Variants in ARHGEF3 observed in about 807,000 individuals in gnomAD.
ARHGEF3 encodes the protein 59.8 kDA protein.
A neutral mutation model predicts 63.2 loss-of-function variants in ARHGEF3; 28 were observed. The observed-to-expected ratio is 0.44, with a 90% confidence interval of 0.33 to 0.61. The LOEUF (loss-of-function observed/expected upper bound fraction) is 0.61, where lower values mean the gene tolerates loss of function less well. Among genes scored for constraint, ARHGEF3 ranks in the 20% least tolerant of loss-of-function variants. The pLI is 0.03. For missense variants in ARHGEF3, 533 were observed against 659.3 expected, an observed-to-expected ratio of 0.81 and a Z score of 2.10; for synonymous variants, 266 against 254.2, an observed-to-expected ratio of 1.05 and a Z score of -0.44.
chr3:56,973,118 A>G (rs778913046), intron 2 of ARHGEF3, among the ~76,000 whole-genome samples: 3 of 151,156 alleles, frequency 2.0e-5, no homozygotes, highest in Non-Finnish European at 4.4e-5. Context: ...CCGGGTTCAC[A>G]CCATTCTCCT....
chr3:57,075,739 G>A (rs1706188378), intron 1 of ARHGEF3, among the ~76,000 whole-genome samples: 2 of 152,224 alleles, frequency 1.3e-5, no homozygotes, highest in Admixed American at 1.3e-4. Flanking sequence ...GAGCCTGAGA[G>A]GCAGATGTTG....
intron 4 of ARHGEF3, among the ~76,000 whole-genome samples, chr3:56,814,670 T>C (rs964594417): frequency 6.7e-6 from 1 of 149,150 alleles, no homozygotes; most frequent in African/African-American, 2.4e-5. Context: ...TCTCCCTTTT[T>C]TTTTAAATGA....
chr3:56,732,391 C>A lies in ARHGEF3; in HGVS notation c.1075G>T (p.Val359Leu). ...LHVFLFQEVL[V>L]ITRAVTHNEQ... ...TTGTGGGTGACGGCTCGAGTGATCACAAGCACTTCTTGGAACAGGAAAACA... is the reference window on the plus strand; with the variant it reads ...TTGTGGGTGACGGCTCGAGTGATCAAAAGCACTTCTTGGAACAGGAAAACA... The change falls in exon 9 of 10, where the codon GTG becomes TTG. Residue 359 changes from valine (V) to leucine (L), a missense_variant. By Grantham distance (32) the Val-to-Leu change is conservative. This residue lies in a region of ARHGEF3 where 151 missense variants were observed against 190.7 expected (regional missense o/e 0.79). Coordinates refer to ENST00000296315, the MANE Select transcript of ARHGEF3 (RefSeq NM_019555.3). 6.2e-7 allele frequency: 1 copy of A among 1,614,156 alleles called. No homozygotes were observed. The highest frequency in any genetic ancestry group is 8.5e-7 in the Non-Finnish European group (1 of 1,180,036).
chr3:56,995,721 A>T (rs1325737581), intron 2 of ARHGEF3, among the ~76,000 whole-genome samples: 12 of 151,974 alleles, frequency 7.9e-5, no homozygotes, highest in Non-Finnish European at 1.3e-4. Context: ...AGAGAAACCT[A>T]AAAAATGTAA....
At chr3:56,800,710 C>T (rs972829187) in intron 1 of ARHGEF3, among the ~76,000 whole-genome samples, 4 of 152,176 alleles carry the variant, frequency 2.6e-5, no homozygotes, top group African/African-American at 9.7e-5. Context: ...TCAGCCTTTC[C>T]CCAGTGGTGG....
chr3:56,938,604 A>G (rs1051208850), intron 3 of ARHGEF3: 4 of 152,364 alleles, frequency 2.6e-5, no homozygotes, highest in Non-Finnish European at 5.9e-5. Context: ...CTAAGAACAC[A>G]TGAGCACGTA....
intron 2 of ARHGEF3, among the ~76,000 whole-genome samples, chr3:56,759,996 T>C (rs1413400802): frequency 2.0e-5 from 3 of 152,212 alleles, no homozygotes; most frequent in East Asian, 1.9e-4. Context: ...ATCCCTCCCA[T>C]AGTCTGGACA....
chr3:56,841,169 G>A (rs537595503), intron 4 of ARHGEF3, among the ~76,000 whole-genome samples: 2 of 152,218 alleles, frequency 1.3e-5, no homozygotes, highest in South Asian at 2.1e-4. Context: ...CCCTAGATTT[G>A]CCCACTGTGA....
chr3:56,775,084 T>A (rs1417216513), intron 1 of ARHGEF3: 1 of 1,551,192 alleles, frequency 6.4e-7, no homozygotes, highest in Non-Finnish European at 8.7e-7. Flanking sequence ...AAAGCCAAAG[T>A]AGCCAATTGT....
intron 2 of ARHGEF3, among the ~76,000 whole-genome samples, chr3:56,768,067 A>G (rs1470835478): frequency 1.3e-5 from 2 of 151,240 alleles, no homozygotes; most frequent in Non-Finnish European, 2.9e-5. Flanking sequence ...ATATATATAT[A>G]TATTTTTGAG....
At chr3:56,828,654 G>A (rs1326646740) in intron 4 of ARHGEF3, among the ~76,000 whole-genome samples, 1 of 152,162 alleles carries the variant, frequency 6.6e-6, no homozygotes, top group African/African-American at 2.4e-5. Context: ...AGTAAGAAAA[G>A]ATACCCAGAG....
intron 2 of ARHGEF3, among the ~76,000 whole-genome samples, chr3:56,999,906 C>T (rs1195114460): frequency 6.6e-6 from 1 of 152,194 alleles, no homozygotes; most frequent in Non-Finnish European, 1.5e-5. Context: ...AGTGAGAGAT[C>T]ACTATGTAGG....
chr3:56,967,741 T>C (rs1453841487), intron 2 of ARHGEF3, among the ~76,000 whole-genome samples: 3 of 85,072 alleles, frequency 3.5e-5, no homozygotes, highest in Non-Finnish European at 6.0e-5. Flanking sequence ...ACTATAATTA[T>C]ATATATTATA....
At chr3:56,921,227 A>C (rs34587696) in intron 3 of ARHGEF3, among the ~76,000 whole-genome samples, 47,039 of 148,734 alleles carry the variant, frequency 0.32, 7,844 homozygotes, top group East Asian at 0.48. Flanking sequence ...AAAGACCAAA[A>C]AAAAAAAGGT....
intron 4 of ARHGEF3, among the ~76,000 whole-genome samples, chr3:56,853,495 C>T (rs1363136357): frequency 1.3e-5 from 2 of 152,104 alleles, no homozygotes; most frequent in Non-Finnish European, 1.5e-5. Context: ...TGCCACCACG[C>T]CTGGCTAATT....
chr3:56,740,440 CT>C (rs1296695217), intron 7 of ARHGEF3, among the ~76,000 whole-genome samples: 1 of 152,084 alleles, frequency 6.6e-6, no homozygotes, highest in African/African-American at 2.4e-5. Flanking sequence ...TTCTTAGTTT[CT>C]TTTTTCCTTT....
At chr3:56,920,462 C>T (rs1283808425) in intron 3 of ARHGEF3, among the ~76,000 whole-genome samples, 2 of 152,092 alleles carry the variant, frequency 1.3e-5, no homozygotes, top group Admixed American at 6.5e-5. Context: ...ATTTCCTTAC[C>T]AAAGATATTA....
chr3:56,972,141 C>T (rs984576898), intron 2 of ARHGEF3, among the ~76,000 whole-genome samples: 1 of 152,042 alleles, frequency 6.6e-6, no homozygotes, highest in Non-Finnish European at 1.5e-5. Flanking sequence ...TTCAGGCCAC[C>T]ACAGGGAGAG....
At chr3:57,020,252 G>T (rs556689280) in intron 2 of ARHGEF3, among the ~76,000 whole-genome samples, 56 of 152,230 alleles carry the variant, frequency 3.7e-4, no homozygotes, top group African/African-American at 1.3e-3. Flanking sequence ...TGCTGTCACT[G>T]ATTTGCAGGG....
Sources: gnomAD v4.1 joint callset for allele counts (sites outside exome capture counted in the v4.1 genomes callset) on GRCh38, gnomAD v4.1.1 for gene constraint, gnomAD v4.1.1 regional missense constraint, MANE v1.5 for transcripts, NCBI Gene and HGNC (gene_info 2026-07-23, HGNC 2026-07-21) for gene names.